Variants in TMEM132C observed in about 807,000 individuals in gnomAD.
The protein encoded by TMEM132C is protein phosphatase 1, regulatory subunit 152.
In TMEM132C, 29 loss-of-function variants were observed where a neutral mutation model predicts 61.4. The observed-to-expected ratio is 0.47, with a 90% confidence interval of 0.35 to 0.64. The LOEUF (loss-of-function observed/expected upper bound fraction) is 0.64. Ranked by LOEUF, TMEM132C falls within the 30% of genes least tolerant of loss-of-function variation. TMEM132C has a pLI of 0.00. For missense variants in TMEM132C, 1,408 were observed against 1,476.9 expected, an observed-to-expected ratio of 0.95 and a Z score of 0.76; for synonymous variants, 656 against 633.1, an observed-to-expected ratio of 1.04 and a Z score of -0.54.
chr12:128,573,895 A>T (rs930581720), intron 3 of TMEM132C, among the ~76,000 whole-genome samples: 2 of 49,310 alleles, frequency 4.1e-5, no homozygotes, highest in African/African-American at 1.5e-4. Flanking sequence ...ACTTTTTTGC[A>T]ATCAAAAAAA....
At chr12:128,566,507 T>C (rs1874709866) in intron 3 of TMEM132C, among the ~76,000 whole-genome samples, 1 of 152,210 alleles carries the variant, frequency 6.6e-6, no homozygotes, top group African/African-American at 2.4e-5. Flanking sequence ...CCTATATTGA[T>C]TGCAGCCACA....
intron 1 of TMEM132C, among the ~76,000 whole-genome samples, chr12:128,291,948 T>G (rs1012629253): frequency 2.6e-5 from 4 of 152,152 alleles, no homozygotes; most frequent in Non-Finnish European, 5.9e-5. Context: ...CTGCGCACTG[T>G]GTCCTGGTTT....
chr12:128,590,502 G>C (rs929750320), intron 3 of TMEM132C, among the ~76,000 whole-genome samples: 1 of 152,192 alleles, frequency 6.6e-6, no homozygotes, highest in Non-Finnish European at 1.5e-5. Flanking sequence ...CAGAGCCAAG[G>C]CTGTGTGAGT....
chr12:128,616,464 T>C lies in TMEM132C; in HGVS notation c.1305+129T>C. The C allele has an allele frequency of 3.1e-6, 3 of 980,196 alleles. No individual in the cohort carries two copies. In the South Asian group the frequency reaches 6.7e-5, roughly 22 times the overall value. 60.7% of individuals were successfully genotyped at this position (980,196 alleles called of 1,614,324 possible). On this transcript the variant is annotated intron_variant, in intron 4 of 8. Coordinates refer to ENST00000435159, the MANE Select transcript of TMEM132C (RefSeq NM_001136103.3). ...TGTTTACTTTCAAAGTTTCTCGTCT[T>C]TCCTCACCCTGGAAGTTGTTACTTT...
At chr12:128,334,462 A>G (rs1461847907) in intron 1 of TMEM132C, among the ~76,000 whole-genome samples, 1 of 152,166 alleles carries the variant, frequency 6.6e-6, no homozygotes, top group Non-Finnish European at 1.5e-5. Context: ...GCCATCATCA[A>G]CCCTCTTTAG....
At chr12:128,349,494 A>G (rs907753626) in intron 1 of TMEM132C, among the ~76,000 whole-genome samples, 6 of 152,156 alleles carry the variant, frequency 3.9e-5, no homozygotes, top group Non-Finnish European at 7.3e-5. Flanking sequence ...TTATGCTACT[A>G]CAAAGGAAGA....
chr12:128,382,409 A>T (rs1874429852), intron 1 of TMEM132C, among the ~76,000 whole-genome samples: 2 of 152,218 alleles, frequency 1.3e-5, no homozygotes, highest in African/African-American at 4.8e-5. Context: ...TTCTGCAATA[A>T]TGGGAATGTC....
intron 2 of TMEM132C, among the ~76,000 whole-genome samples, chr12:128,462,988 C>T (rs1345749521): frequency 1.3e-5 from 2 of 152,178 alleles, no homozygotes; most frequent in African/African-American, 4.8e-5. Context: ...ATTCTTGTAT[C>T]TGCCATGCAC....
At chr12:128,547,712 A>G (rs976412388) in intron 3 of TMEM132C, among the ~76,000 whole-genome samples, 1 of 152,136 alleles carries the variant, frequency 6.6e-6, no homozygotes, top group Non-Finnish European at 1.5e-5. Context: ...AAGACAGGGA[A>G]CCTAGGGAGA....
chr12:128,486,715 C>T (rs1380331429), intron 2 of TMEM132C, among the ~76,000 whole-genome samples: 1 of 152,112 alleles, frequency 6.6e-6, no homozygotes, highest in Non-Finnish European at 1.5e-5. Context: ...CAGGCATAGC[C>T]TCTCAGCGCT....
At chr12:128,491,459 A>C (rs1437834113) in intron 2 of TMEM132C, among the ~76,000 whole-genome samples, 1 of 152,210 alleles carries the variant, frequency 6.6e-6, no homozygotes, top group African/African-American at 2.4e-5. Flanking sequence ...AGCGAGAGCC[A>C]GTCGGAGATT....
intron 2 of TMEM132C, among the ~76,000 whole-genome samples, chr12:128,419,709 A>G (rs201312956): frequency 6.6e-6 from 1 of 152,186 alleles, no homozygotes; most frequent in Admixed American, 6.5e-5. Context: ...CAAATACAAA[A>G]CAAACAAAAC....
At chr12:128,454,446 G>A (rs531018509) in intron 2 of TMEM132C, among the ~76,000 whole-genome samples, 55 of 152,314 alleles carry the variant, frequency 3.6e-4, no homozygotes, top group Non-Finnish European at 5.6e-4. Flanking sequence ...AAGTTGATGT[G>A]ATTGGTCTTC....
intron 2 of TMEM132C, among the ~76,000 whole-genome samples, chr12:128,416,849 G>T (rs1380189130): frequency 6.6e-6 from 1 of 152,080 alleles, no homozygotes; most frequent in East Asian, 1.9e-4. Context: ...GGATACGCTT[G>T]GAGGACTGCT....
chr12:128,429,898 A>G (rs1275038361), intron 2 of TMEM132C, among the ~76,000 whole-genome samples: 1 of 152,108 alleles, frequency 6.6e-6, no homozygotes, highest in Non-Finnish European at 1.5e-5. Context: ...CGTATCTCAG[A>G]TGGGAGAGCT....
At position 128,695,995 on chromosome 12, in the gene TMEM132C, C is replaced by A. The variant is rs752304711; in HGVS notation, c.1821C>A (p.Asp607Glu). The part of the protein sequence containing the change: ...NYLLSPNWQF[D>E]ITHLVADFMK... ...TGCTTAGTCCTAACTGGCAGTTCGA[C>A]ATCACTCACCTGGTGGCAGACTTCA... is the stretch of plus-strand genomic sequence containing the variant. The change falls in exon 7 of 9, where the codon GAC (aspartate) becomes GAA (glutamate). Residue 607 changes from aspartate (D) to glutamate (E), a missense_variant. Transcript: ENST00000435159. 3 of 1,551,686 alleles carry A rather than the reference C, an allele frequency of 1.9e-6. No individual in the cohort carries two copies.
intron 1 of TMEM132C, among the ~76,000 whole-genome samples, chr12:128,307,960 T>A (rs141387837): frequency 7.6e-4 from 116 of 152,294 alleles, no homozygotes; most frequent in Non-Finnish European, 1.4e-3. Flanking sequence ...CCTAGGCCTG[T>A]CCAATGAGCG....
chr12:128,355,145 G>A (rs867445855), intron 1 of TMEM132C, among the ~76,000 whole-genome samples: 22 of 152,262 alleles, frequency 1.4e-4, no homozygotes, highest in African/African-American at 4.3e-4. Flanking sequence ...TTTTAAGCCC[G>A]CAGAAGCCCA....
intron 1 of TMEM132C, among the ~76,000 whole-genome samples, chr12:128,400,367 G>A (rs773732761): frequency 6.6e-6 from 1 of 152,176 alleles, no homozygotes; most frequent in Non-Finnish European, 1.5e-5. Context: ...GGTGAAAGGC[G>A]TTTGCTTAAG....
Sources: allele counts gnomAD v4.1 joint callset (sites outside exome capture counted in the v4.1 genomes callset), GRCh38; gene constraint gnomAD v4.1.1; transcripts MANE v1.5; gene names NCBI Gene and HGNC (gene_info 2026-07-23, HGNC 2026-07-21).